Variants in LIPI observed in about 807,000 individuals in gnomAD.
LIPI encodes the protein lipase member I.
Under a neutral mutation model 50.6 loss-of-function variants are expected in LIPI, and 59 were observed. That is an observed-to-expected ratio of 1.16 (90% CI 0.94 to 1.45). The LOEUF (loss-of-function observed/expected upper bound fraction) is 1.45, where lower values mean the gene tolerates loss of function less well. Ranked by LOEUF, LIPI falls within the 40% of genes most tolerant of loss-of-function variation. LIPI has a pLI of 0.00. For synonymous variants in LIPI, 203 were observed against 178.2 expected (o/e 1.14, Z -1.11); for missense variants, 586 against 536.3 (o/e 1.09, Z -0.92).
chr21:14,192,959 C>A (rs2019726415), intron 1 of LIPI, among the ~76,000 whole-genome samples: 1 of 152,082 alleles, frequency 6.6e-6, no homozygotes, highest in African/African-American at 2.4e-5. Flanking sequence ...AAATATATGA[C>A]AAATAAAAAC....
At chr21:14,166,244 T>C (rs894086064) in intron 5 of LIPI, 118 bp downstream of exon 5, 6 of 733,830 alleles carry the variant, frequency 8.2e-6, no homozygotes, top group Non-Finnish European at 1.5e-5. Context: ...CTCTCCTGAG[T>C]CATGGGCAAT....
At position 14,142,480 on chromosome 21, in the gene LIPI, T is replaced by C. The variant is rs986937458; in HGVS notation, c.1295+2143A>G. Among the ~76,000 whole-genome samples, 18 of 148,906 alleles carry C rather than the reference T, an allele frequency of 1.2e-4. No individual in the cohort carries two copies. In the Admixed American group the frequency reaches 1.2e-3, roughly 10 times the overall value. On this transcript the variant is annotated intron_variant, in intron 9 of 9. Transcript: ENST00000681601. ...TATAGATTATAGATAATATATTATA[T>C]ATATATTTTGTTGTTGTTGTTGAGA... is the stretch of plus-strand genomic sequence containing the variant.
chr21:14,122,780 A>C (rs2016913803), intron 9 of LIPI, among the ~76,000 whole-genome samples: 1 of 152,350 alleles, frequency 6.6e-6, no homozygotes, highest in African/African-American at 2.4e-5. Context: ...TTTGGACTAA[A>C]GGACATCAAG....
chr21:14,124,141 C>A (rs2016964615), intron 9 of LIPI, among the ~76,000 whole-genome samples: 1 of 152,140 alleles, frequency 6.6e-6, no homozygotes, highest in Non-Finnish European at 1.5e-5. Context: ...TCTTCAGAAG[C>A]ATCCAGTCTA....
Position 14,189,390 on chromosome 21 carries a change from G to A in LIPI, c.76C>T (p.Gln26Ter). Residue 26 changes from glutamine to a stop codon, truncating the protein, a stop_gained, in exon 2 of 10, where the codon CAG (glutamine) becomes TAG (stop). Transcript: ENST00000681601. LOFTEE classifies it high-confidence loss of function. ...CTGAAGGAATCCTTTACACTTAGCTGAGAGAATTCAAGGCATGGTCTTTTA... is the reference window on the plus strand; with the variant it reads ...CTGAAGGAATCCTTTACACTTAGCTAAGAGAATTCAAGGCATGGTCTTTTA... ...DNKRPCLEFS[Q>*]LSVKDSFRDL... 1 of 1,612,566 alleles carries A rather than the reference G, an allele frequency of 6.2e-7. No individual in the cohort carries two copies.
intron 8 of LIPI, among the ~76,000 whole-genome samples, chr21:14,150,453 A>G (rs2822434): frequency 0.37 from 55,507 of 152,050 alleles, 10,732 homozygotes; most frequent in East Asian, 0.65. Context: ...CATTTTACTA[A>G]AAGCTACAAT....
intron 6 of LIPI, among the ~76,000 whole-genome samples, chr21:14,163,787 A>C (rs1351271264): frequency 6.6e-6 from 1 of 152,004 alleles, no homozygotes. Context: ...GTATGGCTAT[A>C]GTCCATTTGT....
At chr21:14,199,704 G>A (rs373522287) in intron 1 of LIPI, among the ~76,000 whole-genome samples, 3 of 151,506 alleles carry the variant, frequency 2.0e-5, no homozygotes, top group East Asian at 3.9e-4. Flanking sequence ...TACTGAAACT[G>A]TTCCAGAAAA....
intron 9 of LIPI, among the ~76,000 whole-genome samples, chr21:14,115,693 G>A (rs1027815772): frequency 7.9e-5 from 12 of 152,154 alleles, no homozygotes; most frequent in African/African-American, 2.9e-4. Context: ...TCCCTTGACA[G>A]TGCAAACGGA....
chr21:14,207,056 T>C (rs2020246514), intron 1 of LIPI: 1 of 686,306 alleles, frequency 1.5e-6, no homozygotes, highest in Non-Finnish European at 2.7e-6. Context: ...CAGTGGCTTC[T>C]ATGGCCACAG....
At chr21:14,137,244 C>T (rs1374334713) in intron 9 of LIPI, among the ~76,000 whole-genome samples, 1 of 152,220 alleles carries the variant, frequency 6.6e-6, no homozygotes, top group Non-Finnish European at 1.5e-5. Flanking sequence ...CTAAATAAGG[C>T]ACCAGTAAAC....
At chr21:14,179,469 A>C (rs376723947) in intron 4 of LIPI, among the ~76,000 whole-genome samples, 1 of 152,160 alleles carries the variant, frequency 6.6e-6, no homozygotes, top group Non-Finnish European at 1.5e-5. Context: ...AAGATGTTGC[A>C]AATATAAGAC....
intron 9 of LIPI, among the ~76,000 whole-genome samples, chr21:14,123,164 T>G (rs187152242): frequency 8.3e-4 from 127 of 152,320 alleles, no homozygotes; most frequent in African/African-American, 3.1e-3. Context: ...TAAAAACCCC[T>G]ATCATTGGAA....
chr21:14,166,380 G>C lies in LIPI; in HGVS notation c.715C>G (p.Pro239Ala), dbSNP rs201864134. 7.8e-5 allele frequency: 124 copies of C among 1,593,124 alleles called. 1 individual carries two copies. The highest frequency in any genetic ancestry group is 8.0e-5 in the Non-Finnish European group (93 of 1,161,170). Residue 239 changes from proline (P) to alanine (A), a missense_variant, in exon 5 of 10, where the codon CCT becomes GCT. Pro to Ala is a conservative substitution (Grantham distance 27). Coordinates refer to ENST00000681601, the MANE Select transcript of LIPI (RefSeq NM_001302998.2). ...PNGGNKQPGC[P>A]KSIFSGIQFI... ...AGTATACCTGAGAAAATTGATTTAG[G>C]ACAGCCAGGTTGTTTATTTCCTCCA... is the stretch of plus-strand genomic sequence containing the variant.
At chr21:14,160,005 C>A (rs12627429) in intron 7 of LIPI, among the ~76,000 whole-genome samples, 14,143 of 151,270 alleles carry the variant, frequency 0.093, 854 homozygotes, top group East Asian at 0.22. Context: ...GAAAGACATA[C>A]CATATTCATG....
At chr21:14,131,300 T>A (rs534384014) in intron 9 of LIPI, among the ~76,000 whole-genome samples, 1 of 152,092 alleles carries the variant, frequency 6.6e-6, no homozygotes. Flanking sequence ...GTATAGGCTG[T>A]TCTGGGGCCT....
rs182699707 is a variant in LIPI, at chr21:14,207,040, C to T, written c.46+3760G>A. ...GAAACAATTGACCCACTTTATGCTACGAAGACAGTGGCTTCTATGGCCACA... is the reference window on the plus strand; with the variant it reads ...GAAACAATTGACCCACTTTATGCTATGAAGACAGTGGCTTCTATGGCCACA... On this transcript the variant is annotated intron_variant, in intron 1 of 9. Coordinates refer to ENST00000681601, the MANE Select transcript of LIPI (RefSeq NM_001302998.2). The T allele has an allele frequency of 2.3e-3, 1,699 of 735,412 alleles. 10 individuals carry two copies. Among genetic ancestry groups the T allele is most frequent in the Middle Eastern group, 8.3e-3 (34 of 4,078 alleles). 45.6% of individuals were successfully genotyped at this position (735,412 alleles called of 1,614,324 possible). A position where few individuals can be genotyped will look rare whatever the true frequency, so the allele number is the denominator to read the frequency against.
Position 14,186,010 on chromosome 21 carries a change from G to T in LIPI, c.492C>A (p.Ile164=). ...HFIGVSLGAH[I]SGFVGKIFHG... is the part of the protein sequence containing the mutation. Reference sequence around the variant, plus strand: ...GAAATATCTTTCCAACAAATCCACTGATATGAGCCCCTAAGCTCACACCTA... The same window carrying T: ...GAAATATCTTTCCAACAAATCCACTTATATGAGCCCCTAAGCTCACACCTA... The change falls in exon 3 of 10, where the codon ATC becomes ATA. Residue 164 remains isoleucine, a synonymous_variant. Coordinates refer to ENST00000681601, the MANE Select transcript of LIPI (RefSeq NM_001302998.2). The T allele has an allele frequency of 6.2e-7, 1 of 1,605,466 alleles. No homozygotes were observed. The highest frequency in any genetic ancestry group is 8.5e-7 in the Non-Finnish European group (1 of 1,172,468).
At chr21:14,189,645 T>A (rs1239060198) in intron 1 of LIPI, among the ~76,000 whole-genome samples, 1 of 152,080 alleles carries the variant, frequency 6.6e-6, no homozygotes, top group Non-Finnish European at 1.5e-5. Context: ...GGTTAAAAAA[T>A]TAAGAAGAGA....
Sources: allele counts gnomAD v4.1 joint callset (sites outside exome capture counted in the v4.1 genomes callset), GRCh38; gene constraint gnomAD v4.1.1; transcripts MANE v1.5; gene names NCBI Gene and HGNC (gene_info 2026-07-23, HGNC 2026-07-21).